WWOX: variants seen among roughly 807,000 people sequenced by gnomAD.
The protein encoded by WWOX is WW domain containing oxidoreductase.
Under a neutral mutation model 46.2 loss-of-function variants are expected in WWOX, and 69 were observed. The observed-to-expected ratio is 1.49, with a 90% confidence interval of 1.23 to 1.82. The LOEUF (loss-of-function observed/expected upper bound fraction) is 1.82. WWOX is among the 40% of genes most tolerant of loss of function. The pLI, the probability that WWOX is intolerant of heterozygous loss-of-function variation, is 0.00. For synonymous variants in WWOX, 359 were observed against 202.6 expected (o/e 1.77, Z -6.56); for missense variants, 919 against 542.6 (o/e 1.69, Z -6.89).
intron 5 of WWOX, among the ~76,000 whole-genome samples, chr16:78,232,975 G>A (rs1042593832): frequency 1.3e-4 from 20 of 152,090 alleles, no homozygotes; most frequent in African/African-American, 4.3e-4. Context: ...CCAAGTTGCT[G>A]GGACTACAGG....
At chr16:78,189,806 C>G (rs1157686432) in intron 5 of WWOX, among the ~76,000 whole-genome samples, 1 of 152,106 alleles carries the variant, frequency 6.6e-6, no homozygotes, top group African/African-American at 2.4e-5. Flanking sequence ...AGGCACCTGC[C>G]ACCACGCTCA....
chr16:78,466,521 C>G lies in WWOX; in HGVS notation c.1056+33769C>G, dbSNP rs117343964. 7.9e-3 allele frequency among the ~76,000 whole-genome samples: 1,208 copies of G among 152,208 alleles called. 27 individuals are homozygous for G. Among genetic ancestry groups the G allele is most frequent in the South Asian group, 0.078 (377 of 4,816 alleles). On this transcript the variant is annotated intron_variant, in intron 8 of 8. Transcript: ENST00000566780. ...ATTTTGATACATGTGGCATATTAAG[C>G]TGCTGTTGTTGTTTTTTAAATATTC...
intron 8 of WWOX, among the ~76,000 whole-genome samples, chr16:78,751,461 TTA>T (rs71140824): frequency 0.065 from 8,323 of 128,376 alleles, 417 homozygotes; most frequent in Admixed American, 0.15. Flanking sequence ...TTATCAGATT[TTA>T]TATATATATA....
intron 4 of WWOX, among the ~76,000 whole-genome samples, chr16:78,134,626 T>C (rs768966909): frequency 1.3e-5 from 2 of 152,238 alleles, no homozygotes; most frequent in Non-Finnish European, 2.9e-5. Context: ...ATCAGGCATT[T>C]GTTAACTTGT....
At chr16:78,536,829 C>G (rs1253422592) in intron 8 of WWOX, among the ~76,000 whole-genome samples, 1 of 150,784 alleles carries the variant, frequency 6.6e-6, no homozygotes, top group African/African-American at 2.4e-5. Flanking sequence ...GTAGCTTCAT[C>G]ATAGATCTCA....
At chr16:78,182,899 C>T (rs1004479006) in intron 5 of WWOX, among the ~76,000 whole-genome samples, 14 of 145,662 alleles carry the variant, frequency 9.6e-5, no homozygotes, top group African/African-American at 2.8e-4. Flanking sequence ...TGCAGTGAGC[C>T]GAGATTGCGC....
chr16:78,917,340 C>G (rs752657990), intron 8 of WWOX, among the ~76,000 whole-genome samples: 6 of 152,166 alleles, frequency 3.9e-5, no homozygotes, highest in Non-Finnish European at 8.8e-5. Context: ...GTCCCACACT[C>G]AAATAAACAT....
intron 8 of WWOX, among the ~76,000 whole-genome samples, chr16:78,864,572 G>C (rs922380492): frequency 2.6e-5 from 4 of 151,580 alleles, no homozygotes; most frequent in Non-Finnish European, 5.9e-5. Flanking sequence ...CCCAGCCCTG[G>C]ATTTGGCTTT....
chr16:79,068,397 G>A (rs892767182), intron 8 of WWOX, among the ~76,000 whole-genome samples: 12 of 152,022 alleles, frequency 7.9e-5, no homozygotes, highest in African/African-American at 2.7e-4. Context: ...ACTTAAACCC[G>A]TGTTCCTGAG....
chr16:78,401,375 C>T (rs774185350), intron 6 of WWOX, among the ~76,000 whole-genome samples: 5 of 152,136 alleles, frequency 3.3e-5, no homozygotes, highest in Admixed American at 2.6e-4. Context: ...AGAATAAATT[C>T]AACTTGACAT....
At chr16:78,290,698 T>C (rs969422354) in intron 5 of WWOX, among the ~76,000 whole-genome samples, 36 of 152,308 alleles carry the variant, frequency 2.4e-4, no homozygotes, top group African/African-American at 7.0e-4. Context: ...GAATGACTTA[T>C]TGATTCTTGG....
chr16:78,165,475 C>A lies in WWOX; in HGVS notation c.516+1186C>A, dbSNP rs544785519. ...CAGGGAGTTGGGAGACCTTTGGGGT[C>A]CCCAAGGAAGAAGTGATTGAACTAA... On this transcript the variant is annotated intron_variant, in intron 5 of 8. Transcript: ENST00000566780. Among the ~76,000 whole-genome samples, 14 of 152,136 alleles carry A rather than the reference C, an allele frequency of 9.2e-5. No individual in the cohort carries two copies. In the South Asian group the frequency reaches 2.3e-3, roughly 25 times the overall value.
intron 8 of WWOX, among the ~76,000 whole-genome samples, chr16:78,742,687 C>G (rs2049257676): frequency 1.3e-5 from 2 of 152,198 alleles, no homozygotes; most frequent in South Asian, 4.1e-4. Context: ...TCAGAGCGTT[C>G]TGCCCTGCGG....
At chr16:78,367,062 C>G (rs1280325285) in intron 5 of WWOX, among the ~76,000 whole-genome samples, 2 of 146,570 alleles carry the variant, frequency 1.4e-5, no homozygotes, top group Non-Finnish European at 3.0e-5. Flanking sequence ...TCACAGCAAG[C>G]TCTGCCTCCC....
At position 78,941,246 on chromosome 16, in the gene WWOX, C is replaced by T. The variant is rs201683323; in HGVS notation, c.1057-270362C>T. ...GCGTGTTCAGGCAAAACATTTGGTT[C>T]TGCGGTCGCTTGGAGGATTGGGCCC... is the stretch of plus-strand genomic sequence containing the variant. On this transcript the variant is annotated intron_variant, in intron 8 of 8. Transcript: ENST00000566780. 2.2e-4 allele frequency among the ~76,000 whole-genome samples: 33 copies of T among 152,236 alleles called. No individual in the cohort carries two copies. In the East Asian group the frequency reaches 5.8e-3, roughly 27 times the overall value.
intron 8 of WWOX, among the ~76,000 whole-genome samples, chr16:79,159,982 G>A (rs897777475): frequency 6.6e-6 from 1 of 152,132 alleles, no homozygotes; most frequent in Admixed American, 6.5e-5. Context: ...GGGGCTTTGG[G>A]ATTTGGGGCT....
intron 8 of WWOX, among the ~76,000 whole-genome samples, chr16:79,090,913 C>T (rs1231886407): frequency 1.3e-5 from 2 of 152,180 alleles, no homozygotes; most frequent in Admixed American, 6.5e-5. Flanking sequence ...CCTGCCTCAG[C>T]CTCCCAAGAA....
At chr16:79,001,573 C>G (rs552342804) in intron 8 of WWOX, among the ~76,000 whole-genome samples, 1 of 151,840 alleles carries the variant, frequency 6.6e-6, no homozygotes, top group Non-Finnish European at 1.5e-5. Context: ...TTATTTTAAA[C>G]AAGTTTTGCC....
intron 5 of WWOX, among the ~76,000 whole-genome samples, chr16:78,357,625 C>T (rs62033396): frequency 0.084 from 12,838 of 152,196 alleles, 580 homozygotes; most frequent in Middle Eastern, 0.14. Flanking sequence ...CATTAATGTT[C>T]AACACAGCTT....
Sources: allele counts gnomAD v4.1 joint callset (sites outside exome capture counted in the v4.1 genomes callset), GRCh38; gene constraint gnomAD v4.1.1; transcripts MANE v1.5; gene names NCBI Gene and HGNC (gene_info 2026-07-23, HGNC 2026-07-21).